Variants in ADAMTSL1 observed in about 807,000 individuals in gnomAD.
ADAMTSL1 encodes ADAMTS like 1, also known as ADAMTS-like protein 1.
ADAMTSL1 carries 126 observed loss-of-function variants against 201.8 expected under a neutral mutation model. The observed-to-expected ratio is 0.62, with a 90% confidence interval of 0.54 to 0.72. ADAMTSL1 has a LOEUF of 0.72. ADAMTSL1 is among the 30% of genes least tolerant of loss of function. The pLI, the probability that ADAMTSL1 is intolerant of heterozygous loss-of-function variation, is 0.00. For synonymous variants in ADAMTSL1, 1,121 were observed against 903.4 expected, an observed-to-expected ratio of 1.24 and a Z score of -4.32; for missense variants, 2,679 against 2,277.8, an observed-to-expected ratio of 1.18 and a Z score of -3.59.
intron 7 of ADAMTSL1, among the ~76,000 whole-genome samples, chr9:18,641,084 G>T (rs1328439259): frequency 6.6e-6 from 1 of 151,900 alleles, no homozygotes; most frequent in Non-Finnish European, 1.5e-5. Flanking sequence ...CTGAATGCCG[G>T]GCAGGTCCCC....
At chr9:18,104,516 C>CT (rs1564002716) in intron 1 of ADAMTSL1, among the ~76,000 whole-genome samples, 1 of 152,100 alleles carries the variant, frequency 6.6e-6, no homozygotes, top group Non-Finnish European at 1.5e-5. Flanking sequence ...CACACTTGGG[C>CT]TACCTCTGGG....
At chr9:18,047,360 A>C (rs1203747511) in intron 1 of ADAMTSL1, among the ~76,000 whole-genome samples, 1 of 152,026 alleles carries the variant, frequency 6.6e-6, no homozygotes, top group Non-Finnish European at 1.5e-5. Flanking sequence ...TGGTGGGGAG[A>C]TGTTGTTGGC....
At chr9:18,668,224 C>G (rs1242115231) in intron 9 of ADAMTSL1, among the ~76,000 whole-genome samples, 1 of 152,002 alleles carries the variant, frequency 6.6e-6, no homozygotes, top group Non-Finnish European at 1.5e-5. Flanking sequence ...AATAAGTAAA[C>G]AATAAGAAAA....
At chr9:18,231,033 C>T (rs368268854) in intron 2 of ADAMTSL1, among the ~76,000 whole-genome samples, 33 of 152,190 alleles carry the variant, frequency 2.2e-4, no homozygotes, top group African/African-American at 7.2e-4. Context: ...TATGCCTCCT[C>T]ATCAGCCTGG....
At chr9:18,272,194 T>C (rs1461148270) in intron 2 of ADAMTSL1, among the ~76,000 whole-genome samples, 1 of 152,160 alleles carries the variant, frequency 6.6e-6, no homozygotes, top group African/African-American at 2.4e-5. Flanking sequence ...TCACACTACC[T>C]GACTTCAAGC....
chr9:18,868,639 G>T (rs1827690395), intron 23 of ADAMTSL1, among the ~76,000 whole-genome samples: 1 of 152,164 alleles, frequency 6.6e-6, no homozygotes, highest in African/African-American at 2.4e-5. Context: ...AAAATATAAA[G>T]CTCACAGCTT....
chr9:18,449,188 C>A (rs952155401), intron 2 of ADAMTSL1, among the ~76,000 whole-genome samples: 3 of 151,614 alleles, frequency 2.0e-5, no homozygotes, highest in Non-Finnish European at 2.9e-5. Flanking sequence ...ATTCTTTGAA[C>A]TTTTTCTGAG....
intron 13 of ADAMTSL1, among the ~76,000 whole-genome samples, chr9:18,688,189 T>A (rs1377520623): frequency 6.6e-6 from 1 of 151,414 alleles, no homozygotes; most frequent in East Asian, 1.9e-4. Flanking sequence ...AATGGCGTGA[T>A]CTCGGCTCAC....
chr9:18,689,070 A>G (rs1232710801), intron 13 of ADAMTSL1, among the ~76,000 whole-genome samples: 1 of 152,070 alleles, frequency 6.6e-6, no homozygotes, highest in Non-Finnish European at 1.5e-5. Flanking sequence ...ATATATAGGA[A>G]TAGCTTTCTA....
At chr9:18,848,518 G>T (rs1049566514) in intron 23 of ADAMTSL1, among the ~76,000 whole-genome samples, 1 of 151,882 alleles carries the variant, frequency 6.6e-6, no homozygotes, top group African/African-American at 2.4e-5. Flanking sequence ...ACTTGCCATG[G>T]CCTTGAGCCT....
intron 2 of ADAMTSL1, among the ~76,000 whole-genome samples, chr9:18,396,158 AC>A (rs550568032): frequency 4.7e-4 from 71 of 152,230 alleles, no homozygotes; most frequent in Admixed American, 1.6e-3. Context: ...TTTTCATTAA[AC>A]TGTTGGCCTG....
intron 1 of ADAMTSL1, among the ~76,000 whole-genome samples, chr9:17,988,291 C>T (rs374147057): frequency 2.0e-5 from 3 of 152,140 alleles, no homozygotes; most frequent in East Asian, 3.9e-4. Flanking sequence ...ATTATGAGTT[C>T]ACATGTTACT....
intron 14 of ADAMTSL1, among the ~76,000 whole-genome samples, chr9:18,714,414 A>C (rs1161948526): frequency 1.3e-5 from 2 of 152,190 alleles, no homozygotes; most frequent in African/African-American, 4.8e-5. Context: ...TAAAGGGGAT[A>C]TCACCACCGA....
intron 19 of ADAMTSL1, among the ~76,000 whole-genome samples, chr9:18,794,567 T>C (rs146101216): frequency 7.6e-4 from 116 of 152,300 alleles, no homozygotes; most frequent in African/African-American, 2.6e-3. Flanking sequence ...TATGCAATTC[T>C]TGGCTTTTTC....
chr9:18,886,089 A>C (rs4977455), intron 23 of ADAMTSL1, among the ~76,000 whole-genome samples: 20,435 of 149,502 alleles, frequency 0.14, 1,497 homozygotes, highest in South Asian at 0.22. Flanking sequence ...GAGTTCAAGA[A>C]CAGCCTGGCC....
intron 4 of ADAMTSL1, among the ~76,000 whole-genome samples, chr9:18,608,470 C>G (rs1825167974): frequency 6.6e-6 from 1 of 151,670 alleles, no homozygotes; most frequent in African/African-American, 2.4e-5. Flanking sequence ...TTAGTGGAAT[C>G]TTAATCTTTC....
At chr9:18,818,331 TGCTTCATCTTAGA>T (rs1823992465) in intron 21 of ADAMTSL1, among the ~76,000 whole-genome samples, 1 of 152,156 alleles carries the variant, frequency 6.6e-6, no homozygotes, top group Non-Finnish European at 1.5e-5. Flanking sequence ...CTTTGGTGGT[TGCTTCATCTTAGA>T]TCTTCATCAT....
At position 18,444,713 on chromosome 9, in the gene ADAMTSL1, C is replaced by G. The variant is rs12682863; in HGVS notation, c.208-60116C>G. On this transcript the variant is annotated intron_variant, in intron 2 of 29. Coordinates refer to the ADAMTSL1 transcript ENST00000680146. Reference sequence around the variant, plus strand: ...ACAGATGCAGATAATAATAGTAGTACGAGTTAAGGCCAAAGGGATGGCACA... The same window carrying G: ...ACAGATGCAGATAATAATAGTAGTAGGAGTTAAGGCCAAAGGGATGGCACA... Among the ~76,000 whole-genome samples, 1,408 of 152,160 alleles carry G rather than the reference C, an allele frequency of 9.3e-3. 29 individuals carry two copies. Among genetic ancestry groups the G allele is most frequent in the East Asian group, 0.078 (404 of 5,170 alleles).
intron 1 of ADAMTSL1, among the ~76,000 whole-genome samples, chr9:18,105,147 C>T (rs946836709): frequency 4.6e-5 from 7 of 152,158 alleles, no homozygotes; most frequent in Non-Finnish European, 2.9e-5. Context: ...TCGTACAGGA[C>T]ACCGTCTCCG....
Sources: gnomAD v4.1 joint callset for allele counts (sites outside exome capture counted in the v4.1 genomes callset) on GRCh38, gnomAD v4.1.1 for gene constraint, MANE v1.5 for transcripts, NCBI Gene and HGNC (gene_info 2026-07-23, HGNC 2026-07-21) for gene names.